PALM2AKAP2: variants seen among roughly 807,000 people sequenced by gnomAD.
PALM2AKAP2 encodes the protein PALM2-AKAP2 fusion protein.
PALM2AKAP2 carries 37 observed loss-of-function variants against 71.5 expected under a neutral mutation model. That is an observed-to-expected ratio of 0.52 (90% confidence interval 0.40 to 0.68). PALM2AKAP2 has a LOEUF of 0.68. Among genes scored for constraint, PALM2AKAP2 ranks in the 30% least tolerant of loss-of-function variants. PALM2AKAP2 has a pLI of 0.00. For missense variants in PALM2AKAP2, 1,224 were observed against 1,191.8 expected (o/e 1.03, Z -0.40); for synonymous variants, 468 against 478.8 (o/e 0.98, Z 0.29).
At chr9:109,925,036 C>T (rs537077110) in intron 4 of PALM2AKAP2, 25 bp from the exon 5 acceptor site, 3 of 1,614,098 alleles carry the variant, frequency 1.9e-6, no homozygotes, top group African/African-American at 2.7e-5. Flanking sequence ...TAGAGTAACG[C>T]TCTGCCTTGT....
chr9:109,955,134 G>T (rs748681311), intron 6 of PALM2AKAP2, among the ~76,000 whole-genome samples: 4 of 152,140 alleles, frequency 2.6e-5, no homozygotes, highest in Non-Finnish European at 5.9e-5. Context: ...TCATTTTATG[G>T]CTGGGTCAAA....
At chr9:110,084,442 T>C (rs1199833088) in intron 1 of PALM2AKAP2, among the ~76,000 whole-genome samples, 1 of 152,146 alleles carries the variant, frequency 6.6e-6, no homozygotes, top group African/African-American at 2.4e-5. Context: ...AGAAGCAATG[T>C]AAATTGTTAC....
upstream of PALM2AKAP2, among the ~76,000 whole-genome samples, chr9:110,048,039 A>G (rs576292348): frequency 1.4e-3 from 215 of 152,308 alleles, no homozygotes; most frequent in South Asian, 7.1e-3. Context: ...GGGCAGCAGG[A>G]AGGCTCTGGC....
intron 1 of PALM2AKAP2, among the ~76,000 whole-genome samples, chr9:110,074,662 C>T (rs1303282321): frequency 6.6e-6 from 1 of 152,190 alleles, no homozygotes; most frequent in African/African-American, 2.4e-5. Context: ...CGCACATACA[C>T]ATACCATGTA....
chr9:109,900,176 T>C (rs1830297929), intron 3 of PALM2AKAP2, among the ~76,000 whole-genome samples: 1 of 152,250 alleles, frequency 6.6e-6, no homozygotes, highest in African/African-American at 2.4e-5. Flanking sequence ...ATTACTCTGA[T>C]TGGCATGCAA....
intron 1 of PALM2AKAP2, among the ~76,000 whole-genome samples, chr9:109,812,168 C>G (rs188831074): frequency 2.6e-5 from 4 of 152,282 alleles, no homozygotes; most frequent in Admixed American, 2.6e-4. Flanking sequence ...TCTGTCCCAT[C>G]CAGGAAAGGA....
At chr9:110,011,902 A>T (rs115245118) in intron 6 of PALM2AKAP2, among the ~76,000 whole-genome samples, 1 of 151,978 alleles carries the variant, frequency 6.6e-6, no homozygotes, top group Admixed American at 6.5e-5. Flanking sequence ...CTGGTGTAGA[A>T]CAGATCTCCA....
chr9:109,949,919 T>C (rs1433516876), intron 6 of PALM2AKAP2, among the ~76,000 whole-genome samples: 4 of 152,100 alleles, frequency 2.6e-5, no homozygotes, highest in Non-Finnish European at 5.9e-5. Context: ...ATTTGAGAAA[T>C]ATATATGAAA....
intron 1 of PALM2AKAP2, among the ~76,000 whole-genome samples, chr9:110,132,038 TGTGTG>T (rs1835746560): frequency 5.0e-5 from 1 of 19,824 alleles, no homozygotes; most frequent in Non-Finnish European, 1.0e-4. Context: ...CTAGCGTGTG[TGTGTG>T]TGTGTGTGTG....
chr9:109,855,158 C>A (rs1263886700), intron 1 of PALM2AKAP2, among the ~76,000 whole-genome samples: 2 of 152,004 alleles, frequency 1.3e-5, no homozygotes, highest in African/African-American at 2.4e-5. Flanking sequence ...CTGCAACCTC[C>A]GCTTCCCAGG....
intron 6 of PALM2AKAP2, among the ~76,000 whole-genome samples, chr9:109,979,769 T>C (rs1017591636): frequency 4.6e-5 from 7 of 152,182 alleles, no homozygotes; most frequent in African/African-American, 1.7e-4. Flanking sequence ...ATTGTTGGAT[T>C]TGGTGAATGA....
At chr9:109,808,977 A>T (rs1827653378) in intron 1 of PALM2AKAP2, among the ~76,000 whole-genome samples, 6 of 152,210 alleles carry the variant, frequency 3.9e-5, no homozygotes, top group Admixed American at 3.9e-4. Flanking sequence ...TCAAGAATTG[A>T]GGTTTGGGAA....
intron 1 of PALM2AKAP2, among the ~76,000 whole-genome samples, chr9:109,734,187 T>A (rs956674788): frequency 2.0e-5 from 3 of 152,202 alleles, no homozygotes; most frequent in African/African-American, 7.2e-5. Context: ...CCATTTTAGA[T>A]CAATAATCCT....
At chr9:109,846,049 T>TG (rs1185545054) in intron 1 of PALM2AKAP2, among the ~76,000 whole-genome samples, 1 of 152,134 alleles carries the variant, frequency 6.6e-6, no homozygotes, top group Non-Finnish European at 1.5e-5. Context: ...GAGGGCCATG[T>TG]GGGGGGCAGT....
chr9:110,105,985 C>T (rs1380612668), intron 1 of PALM2AKAP2, among the ~76,000 whole-genome samples: 1 of 152,072 alleles, frequency 6.6e-6, no homozygotes, highest in Non-Finnish European at 1.5e-5. Flanking sequence ...TGTAGTGCTC[C>T]TATTTTCTTT....
exon 2 of PALM2AKAP2, chr9:110,136,656 G>C (rs1349148036): frequency 6.2e-7 from 1 of 1,614,148 alleles, no homozygotes; most frequent in Non-Finnish European, 8.5e-7. Flanking sequence ...AGCCAGCCTA[G>C]AGATGCGCTG....
intron 1 of PALM2AKAP2, among the ~76,000 whole-genome samples, chr9:109,660,856 A>G (rs1355094361): frequency 6.6e-6 from 1 of 152,144 alleles, no homozygotes; most frequent in Non-Finnish European, 1.5e-5. Flanking sequence ...AATGATTGCC[A>G]TTCTAACTGG....
chr9:109,866,898 C>A, intron 1 of PALM2AKAP2: 1 of 391,026 alleles, frequency 2.6e-6, no homozygotes, highest in Non-Finnish European at 5.1e-6. Context: ...CTGCCCCACC[C>A]ACATGAAATG....
intron 3 of PALM2AKAP2, among the ~76,000 whole-genome samples, chr9:110,164,462 T>A (rs1209955106): frequency 6.6e-6 from 1 of 152,150 alleles, no homozygotes; most frequent in Non-Finnish European, 1.5e-5. Flanking sequence ...AATTGTTTTT[T>A]ATTCCCTACC....
Sources: allele counts gnomAD v4.1 joint callset (sites outside exome capture counted in the v4.1 genomes callset), GRCh38; gene constraint gnomAD v4.1.1; transcripts MANE v1.5; gene names NCBI Gene and HGNC (gene_info 2026-07-23, HGNC 2026-07-21).